Variants in CNTN4 observed in about 807,000 individuals in gnomAD.
CNTN4 encodes contactin-4.
CNTN4 carries 77 observed loss-of-function variants against 122.5 expected under a neutral mutation model. The ratio of observed to expected loss-of-function variants is 0.63; its 90% CI spans 0.52 to 0.76. The LOEUF (loss-of-function observed/expected upper bound fraction) is 0.76, where lower values mean the gene tolerates loss of function less well. Among genes scored for constraint, CNTN4 ranks in the 30% least tolerant of loss-of-function variants. The probability of loss-of-function intolerance (pLI) is 0.00; values close to 1 mark genes in which losing one functional copy is unlikely to be tolerated. For synonymous variants in CNTN4, 512 were observed against 447.0 expected (o/e 1.15, Z -1.83); for missense variants, 1,256 against 1,259.1 (o/e 1.00, Z 0.04).
chr3:2,844,298 A>G (rs2093417886), intron 7 of CNTN4, among the ~76,000 whole-genome samples: 1 of 152,212 alleles, frequency 6.6e-6, no homozygotes, highest in Non-Finnish European at 1.5e-5. Context: ...TTTGAGAATT[A>G]TATTTATTGC....
At chr3:3,003,702 A>C (rs11915222) in intron 14 of CNTN4, among the ~76,000 whole-genome samples, 4,673 of 148,526 alleles carry the variant, frequency 0.031, 266 homozygotes, top group African/African-American at 0.11. Flanking sequence ...AAAAAAAAAA[A>C]AAAAAAAAAA....
intron 13 of CNTN4, among the ~76,000 whole-genome samples, chr3:2,944,535 A>G (rs1261449610): frequency 6.6e-6 from 1 of 152,152 alleles, no homozygotes; most frequent in Non-Finnish European, 1.5e-5. Flanking sequence ...TATGTCACAC[A>G]TTTTGCTCTC....
chr3:2,548,519 A>C (rs986146880), intron 3 of CNTN4, among the ~76,000 whole-genome samples: 1 of 151,928 alleles, frequency 6.6e-6, no homozygotes, highest in Non-Finnish European at 1.5e-5. Flanking sequence ...CCTCTGTTCC[A>C]TTCCATTGGT....
intron 4 of CNTN4, among the ~76,000 whole-genome samples, chr3:2,574,837 C>T (rs2079587535): frequency 6.6e-6 from 1 of 151,940 alleles, no homozygotes; most frequent in African/African-American, 2.4e-5. Flanking sequence ...ACAAGTCTCC[C>T]AGTCTTTTTT....
At chr3:2,431,616 A>T (rs1414336232) in intron 3 of CNTN4, among the ~76,000 whole-genome samples, 1 of 152,152 alleles carries the variant, frequency 6.6e-6, no homozygotes, top group Non-Finnish European at 1.5e-5. Context: ...GAGGGACTGA[A>T]CACGTGTTAT....
At chr3:2,128,407 T>C (rs1360469917) in intron 2 of CNTN4, among the ~76,000 whole-genome samples, 2 of 152,218 alleles carry the variant, frequency 1.3e-5, no homozygotes, top group Non-Finnish European at 2.9e-5. Flanking sequence ...GCAAGAATTA[T>C]CATTACTGTT....
chr3:2,500,520 T>G (rs919883649), intron 3 of CNTN4, among the ~76,000 whole-genome samples: 5 of 152,122 alleles, frequency 3.3e-5, no homozygotes, highest in Admixed American at 6.5e-5. Flanking sequence ...CTGCATACAA[T>G]CTAATTGTTA....
At chr3:2,131,479 T>C (rs1471829966) in intron 2 of CNTN4, among the ~76,000 whole-genome samples, 3 of 152,194 alleles carry the variant, frequency 2.0e-5, no homozygotes, top group Middle Eastern at 3.2e-3. Flanking sequence ...AGAATAAATA[T>C]ACTTCTAGTA....
At chr3:2,522,528 T>C (rs2149162216) in intron 3 of CNTN4, among the ~76,000 whole-genome samples, 1 of 152,276 alleles carries the variant, frequency 6.6e-6, no homozygotes, top group East Asian at 1.9e-4. Flanking sequence ...ATTACATATT[T>C]TTTCTCATGT....
At chr3:2,818,342 C>G (rs954895531) in intron 6 of CNTN4, among the ~76,000 whole-genome samples, 1 of 151,840 alleles carries the variant, frequency 6.6e-6, no homozygotes, top group African/African-American at 2.4e-5. Context: ...TAGAAACATT[C>G]CAATTTGTAA....
chr3:2,710,551 G>C (rs2087079780), intron 4 of CNTN4, among the ~76,000 whole-genome samples: 1 of 152,122 alleles, frequency 6.6e-6, no homozygotes, highest in Non-Finnish European at 1.5e-5. Flanking sequence ...ACAGATAAAA[G>C]ACAAGTGTTA....
chr3:2,147,478 G>A (rs973014979), intron 2 of CNTN4, among the ~76,000 whole-genome samples: 2 of 152,084 alleles, frequency 1.3e-5, no homozygotes, highest in African/African-American at 2.4e-5. Context: ...TATCATCAAT[G>A]GAAATGACTT....
At chr3:2,346,487 T>G (rs75296563) in intron 3 of CNTN4, among the ~76,000 whole-genome samples, 19,341 of 152,164 alleles carry the variant, frequency 0.13, 1,530 homozygotes, top group Non-Finnish European at 0.18. Context: ...TTCCTTTTGC[T>G]CAAAAGTTCC....
chr3:2,594,334 C>A (rs1443528566), intron 4 of CNTN4, among the ~76,000 whole-genome samples: 2 of 151,584 alleles, frequency 1.3e-5, no homozygotes, highest in African/African-American at 4.8e-5. Context: ...CATAAAAATT[C>A]TTTCCATTTA....
chr3:3,027,910 T>G (rs900400717), intron 15 of CNTN4, among the ~76,000 whole-genome samples: 1 of 152,198 alleles, frequency 6.6e-6, no homozygotes, highest in Non-Finnish European at 1.5e-5. Flanking sequence ...CACATTCATC[T>G]TTCATATGGA....
intron 7 of CNTN4, among the ~76,000 whole-genome samples, chr3:2,854,412 A>G (rs1260603619): frequency 1.4e-5 from 2 of 146,674 alleles, no homozygotes; most frequent in Non-Finnish European, 3.0e-5. Context: ...AGTTGGGATT[A>G]CAGGCGCCTG....
chr3:2,554,472 A>T (rs1348216564), intron 3 of CNTN4, among the ~76,000 whole-genome samples: 1 of 152,114 alleles, frequency 6.6e-6, no homozygotes, highest in Non-Finnish European at 1.5e-5. Context: ...TTTGAGTAAC[A>T]CATCAGTAGT....
rs1381634692 is a variant in CNTN4, at chr3:2,998,113, A to G, written c.1486+9641A>G. On this transcript the variant is annotated intron_variant, in intron 14 of 24. Coordinates refer to ENST00000418658, the MANE Select transcript of CNTN4 (RefSeq NM_175607.3). ...CCACATCTCTCCTGATAGAACATGT[A>G]TCTGCCTCCATTGGCTTTGTCCACA... Among the ~76,000 whole-genome samples, 8 of 152,300 alleles carry G rather than the reference A, an allele frequency of 5.3e-5. No individual in the cohort carries two copies. In the East Asian group the frequency reaches 1.5e-3, roughly 29 times the overall value.
intron 2 of CNTN4, among the ~76,000 whole-genome samples, chr3:2,191,648 A>C (rs935454744): frequency 2.6e-5 from 4 of 151,890 alleles, no homozygotes; most frequent in Admixed American, 2.0e-4. Context: ...ACTGCCTACA[A>C]CTGAACTGGA....
Sources: gnomAD v4.1 joint callset for allele counts (sites outside exome capture counted in the v4.1 genomes callset) on GRCh38, gnomAD v4.1.1 for gene constraint, MANE v1.5 for transcripts, NCBI Gene and HGNC (gene_info 2026-07-23, HGNC 2026-07-21) for gene names.